Variants in DNAAF11 observed in about 807,000 individuals in gnomAD.
DNAAF11 encodes the protein dynein axonemal assembly factor 11.
A neutral mutation model predicts 60.8 loss-of-function variants in DNAAF11; 45 were observed. The ratio of observed to expected loss-of-function variants is 0.74; its 90% CI spans 0.58 to 0.95. The LOEUF (loss-of-function observed/expected upper bound fraction) is 0.95, where lower values mean the gene tolerates loss of function less well. DNAAF11 is among the 40% of genes least tolerant of loss of function. The probability of loss-of-function intolerance (pLI) is 0.00; values close to 1 mark genes in which losing one functional copy is unlikely to be tolerated. For synonymous variants in DNAAF11, 191 were observed against 183.5 expected (o/e 1.04, Z -0.33); for missense variants, 546 against 546.2 (o/e 1.00, Z 0.00).
At chr8:132,659,999 G>C (rs142511690) in intron 2 of DNAAF11, among the ~76,000 whole-genome samples, 1,910 of 152,272 alleles carry the variant, frequency 0.013, 20 homozygotes, top group Non-Finnish European at 0.019. Flanking sequence ...ATCATCACGG[G>C]AAGTTAAATA....
At chr8:132,680,898 A>G in the DNAAF11 span, among the ~76,000 whole-genome samples, 1 of 151,798 alleles carries the variant, frequency 6.6e-6, no homozygotes, top group Admixed American at 6.6e-5. Flanking sequence ...GACATGTAGA[A>G]AGTACTCAGT....
the DNAAF11 span, among the ~76,000 whole-genome samples, chr8:132,695,688 C>T: frequency 6.6e-6 from 1 of 151,950 alleles, no homozygotes; most frequent in Non-Finnish European, 1.5e-5. Flanking sequence ...GATTGCGAGG[C>T]ACCACCAAAC....
At chr8:132,588,979 C>T (rs1310516982) in intron 10 of DNAAF11, among the ~76,000 whole-genome samples, 1 of 152,170 alleles carries the variant, frequency 6.6e-6, no homozygotes, top group African/African-American at 2.4e-5. Context: ...CCATTAGAAA[C>T]TGCCCCCGTG....
rs911000702 is a variant in DNAAF11 at position 132,667,751 on chromosome 8, C to G, written c.11-6124G>C. Among the ~76,000 whole-genome samples, 4 of 152,158 alleles carry G rather than the reference C, an allele frequency of 2.6e-5. No individual in the cohort carries two copies. In the East Asian group the frequency reaches 7.7e-4, roughly 29 times the overall value. ...GTTTAATCAAAACACATCAGCTCAC[C>G]TAAGTTTCTTTCCAATTCCTTAATA... is the stretch of plus-strand genomic sequence containing the variant. On this transcript the variant is annotated intron_variant, in intron 1 of 11. Coordinates refer to ENST00000620350, the MANE Select transcript of DNAAF11 (RefSeq NM_012472.6).
intron 1 of DNAAF11, among the ~76,000 whole-genome samples, chr8:132,664,930 G>T (rs778804689): frequency 2.0e-5 from 3 of 152,104 alleles, no homozygotes; most frequent in Non-Finnish European, 4.4e-5. Context: ...ATTTAAAGAG[G>T]TGGAGTTTAG....
chr8:132,661,227 T>A (rs961791140), intron 2 of DNAAF11, among the ~76,000 whole-genome samples: 1 of 152,100 alleles, frequency 6.6e-6, no homozygotes, highest in Admixed American at 6.6e-5. Flanking sequence ...TCAGGTCAAC[T>A]AATGTGTTCC....
At chr8:132,615,139 G>T (rs928298463) in intron 7 of DNAAF11, 42 bp from the exon 8 acceptor site, 19 of 1,212,710 alleles carry the variant, frequency 1.6e-5, no homozygotes, top group Non-Finnish European at 2.2e-5. Flanking sequence ...GATGTCTTTA[G>T]GATACTGTAT....
At chr8:132,683,348 G>A in the DNAAF11 span, among the ~76,000 whole-genome samples, 1 of 152,130 alleles carries the variant, frequency 6.6e-6, no homozygotes, top group Non-Finnish European at 1.5e-5. Context: ...CCACAAATTA[G>A]GGTTGGAAAA....
At chr8:132,637,887 G>A (rs765355758) in intron 4 of DNAAF11, 48 bp downstream of exon 4, 1 of 1,482,726 alleles carries the variant, frequency 6.7e-7, no homozygotes, top group African/African-American at 1.4e-5. Flanking sequence ...TATTGTAGTT[G>A]CTCATGCTCA....
chr8:132,648,462 C>T (rs1318766468), intron 3 of DNAAF11, among the ~76,000 whole-genome samples: 1 of 152,120 alleles, frequency 6.6e-6, no homozygotes, highest in Non-Finnish European at 1.5e-5. Context: ...GACAGGGATG[C>T]CCTCTCTCAC....
intron 6 of DNAAF11, among the ~76,000 whole-genome samples, chr8:132,623,370 C>A (rs1210679058): frequency 1.3e-5 from 2 of 151,010 alleles, no homozygotes; most frequent in African/African-American, 4.9e-5. Context: ...TTTTGTTTTA[C>A]AAAAAGACCC....
chr8:132,607,046 A>G (rs1818209117), intron 10 of DNAAF11, among the ~76,000 whole-genome samples: 1 of 152,230 alleles, frequency 6.6e-6, no homozygotes, highest in Non-Finnish European at 1.5e-5. Flanking sequence ...ACAGTAGTGT[A>G]TAGTCATCCT....
intron 3 of DNAAF11, among the ~76,000 whole-genome samples, chr8:132,640,055 C>T (rs976467936): frequency 6.6e-6 from 1 of 152,160 alleles, no homozygotes; most frequent in Admixed American, 6.5e-5. Context: ...ACAAGATTTG[C>T]TTCTCTAAAG....
At chr8:132,573,244 A>G (rs1814402280) in intron 11 of DNAAF11, among the ~76,000 whole-genome samples, 1 of 152,214 alleles carries the variant, frequency 6.6e-6, no homozygotes, top group South Asian at 2.1e-4. Context: ...CCCTCAAATG[A>G]TATTGATAAT....
chr8:132,593,328 C>CATATATATATATATAT (rs1160460984), intron 10 of DNAAF11, among the ~76,000 whole-genome samples: 4 of 67,562 alleles, frequency 5.9e-5, no homozygotes, highest in African/African-American at 2.1e-4. Flanking sequence ...AGAATATATA[C>CATATATATATATATAT]ATACATATAT....
At chr8:132,608,862 A>T (rs111447103) in intron 10 of DNAAF11, among the ~76,000 whole-genome samples, 7 of 152,268 alleles carry the variant, frequency 4.6e-5, no homozygotes, top group African/African-American at 1.7e-4. Context: ...TTGCTATTTT[A>T]TTGCCTCCAA....
chr8:132,683,942 G>T, the DNAAF11 span, among the ~76,000 whole-genome samples: 1 of 152,302 alleles, frequency 6.6e-6, no homozygotes, highest in African/African-American at 2.4e-5. Flanking sequence ...GGGAACACCT[G>T]TAGACAGAAA....
At chr8:132,628,357 A>T (rs1820483678) in intron 5 of DNAAF11, among the ~76,000 whole-genome samples, 1 of 152,064 alleles carries the variant, frequency 6.6e-6, no homozygotes, top group Admixed American at 6.6e-5. Context: ...GATTGCGGTG[A>T]GCCGAGATTG....
intron 10 of DNAAF11, among the ~76,000 whole-genome samples, chr8:132,590,329 C>T (rs1816334735): frequency 6.6e-6 from 1 of 152,248 alleles, no homozygotes; most frequent in African/African-American, 2.4e-5. Context: ...AGGGTTACTG[C>T]AGTTTTGGTT....
Sources: allele counts gnomAD v4.1 joint callset (sites outside exome capture counted in the v4.1 genomes callset), GRCh38; gene constraint gnomAD v4.1.1; transcripts MANE v1.5; gene names NCBI Gene and HGNC (gene_info 2026-07-23, HGNC 2026-07-21).